Variants in TVP23C observed in about 807,000 individuals in gnomAD.
TVP23C encodes Golgi apparatus membrane protein TVP23 homolog C.
Under a neutral mutation model 28.7 loss-of-function variants are expected in TVP23C, and 19 were observed. The observed-to-expected ratio is 0.66, with a 90% CI of 0.46 to 0.97. The LOEUF is 0.97. Ranked by LOEUF, TVP23C falls within the 50% of genes least tolerant of loss-of-function variation. The pLI is 0.00. For missense variants in TVP23C, 186 were observed against 241.3 expected (o/e 0.77, Z 1.52); for synonymous variants, 68 against 81.7 (o/e 0.83, Z 0.90).
downstream of TVP23C, among the ~76,000 whole-genome samples, chr17:15,536,290 C>A (rs953838658): frequency 1.3e-5 from 2 of 152,144 alleles, no homozygotes; most frequent in Admixed American, 6.5e-5. Flanking sequence ...CAAAACGAAG[C>A]CTTTATCACA....
At chr17:15,549,659 G>A (rs1567642700) in intron 3 of TVP23C, among the ~76,000 whole-genome samples, 1 of 151,050 alleles carries the variant, frequency 6.6e-6, no homozygotes, top group Non-Finnish European at 1.5e-5. Context: ...CAGCTTGCGT[G>A]ACAAAGCAAG....
rs532689472 is a variant in TVP23C, at chr17:15,539,764, T to C, written c.*648A>G. On this transcript the variant is annotated 3_prime_UTR_variant, in exon 6 of 6. Coordinates refer to ENST00000518321, the MANE Select transcript of TVP23C (RefSeq NM_001135036.2). ...AAAAAACATCTGAGTACAAATGTTA[T>C]GGTCTTCTTGTGATTCAACTGTTCT... The C allele has an allele frequency of 3.7e-5, 36 of 985,264 alleles. No individual in the cohort carries two copies. The highest frequency in any genetic ancestry group is 2.3e-4 in the East Asian group (2 of 8,780). 61.0% of individuals were successfully genotyped at this position (985,264 alleles called of 1,614,324 possible).
chr17:15,555,323 C>T lies in TVP23C; in HGVS notation c.54G>A (p.Ala18=), dbSNP rs775082985. The change falls in exon 2 of 6, where the codon GCG becomes GCA. Residue 18 remains alanine (A), a synonymous_variant. Coordinates refer to ENST00000518321, the MANE Select transcript of TVP23C (RefSeq NM_001135036.2). ...DDTEDVSLFD[A]EEETTNRPRK... is the part of the protein sequence containing the mutation. The stretch of plus-strand genomic sequence containing the variant: ...TTGGTCTATTAGTCGTCTCCTCTTC[C>T]GCATCAAACAGTGAAACATCTTCAG... 1.7e-5 allele frequency: 27 copies of T among 1,613,814 alleles called. No individual in the cohort carries two copies. Among genetic ancestry groups the T allele is most frequent in the South Asian group, 3.3e-5 (3 of 91,070 alleles).
chr17:15,544,843 G>A (rs981335076), intron 5 of TVP23C, among the ~76,000 whole-genome samples: 6 of 151,992 alleles, frequency 3.9e-5, no homozygotes, highest in Non-Finnish European at 5.9e-5. Flanking sequence ...AAGAAAAAAA[G>A]AATCTATATC....
chr17:15,507,138 G>A, intron 5 of TVP23C: 3 of 835,596 alleles, frequency 3.6e-6, no homozygotes, highest in South Asian at 1.3e-5. Flanking sequence ...AAAGCATACA[G>A]GTCCTGACAT....
intron 5 of TVP23C, among the ~76,000 whole-genome samples, chr17:15,544,393 G>A (rs1227210296): frequency 6.6e-6 from 1 of 152,110 alleles, no homozygotes; most frequent in East Asian, 1.9e-4. Flanking sequence ...GTTTTCAAAA[G>A]ATAACTATTA....
Position 15,539,055 on chromosome 17 carries a change from T to C in TVP23C, c.*1357A>G. 1 of 985,028 alleles carries C rather than the reference T, an allele frequency of 1.0e-6. No individual in the cohort carries two copies. The highest frequency in any genetic ancestry group is 1.2e-6 in the Non-Finnish European group (1 of 829,484). The allele number at this position is 985,028 out of a possible 1,614,324, so 61.0% of individuals were successfully genotyped here. A position where few individuals can be genotyped will look rare whatever the true frequency, so the allele number is the denominator to read the frequency against. Reference sequence around the variant, plus strand: ...TAGCTGTATAATCTTAAGTAAATAATTTAATTTCTCGGGGCTTTAGTTATC... The same window carrying C: ...TAGCTGTATAATCTTAAGTAAATAACTTAATTTCTCGGGGCTTTAGTTATC... On this transcript the variant is annotated 3_prime_UTR_variant, in exon 6 of 6. Transcript: ENST00000518321.
Position 15,538,480 on chromosome 17 carries a change from C to A in TVP23C, c.*1932G>T, listed in dbSNP as rs1422774565. 2 of 715,550 alleles carry A rather than the reference C, an allele frequency of 2.8e-6. No homozygotes were observed. The highest frequency in any genetic ancestry group is 3.4e-6 in the Non-Finnish European group (2 of 583,796). The allele number at this position is 715,550 out of a possible 1,614,324, so 44.3% of individuals were successfully genotyped here. ...TGGCGGGCGCCTGCAATCCCAGCTA[C>A]TCGGGAGGCTGAGGCAGAAGAATAG... On this transcript the variant is annotated 3_prime_UTR_variant, in exon 6 of 6. Coordinates refer to ENST00000518321, the MANE Select transcript of TVP23C (RefSeq NM_001135036.2).
Position 15,502,581 on chromosome 17 carries a change from C to T in TVP23C, c.*283G>A, listed in dbSNP as rs984893738. The T allele has an allele frequency of 3.0e-5, 12 of 400,820 alleles. No homozygotes were observed. In the Admixed American group the frequency reaches 4.4e-4, roughly 15 times the overall value. The allele number at this position is 400,820 out of a possible 1,614,324, so 24.8% of individuals were successfully genotyped here. A position where few individuals can be genotyped will look rare whatever the true frequency, so the allele number is the denominator to read the frequency against. On this transcript the variant is annotated 3_prime_UTR_variant, in exon 6 of 6. Transcript: ENST00000225576. ...CGCATCCTTCCTCGGGGCCGCATGG[C>T]CCTGCCCCACAAAGCAGGCGTGCTG...
At chr17:15,549,679 CAA>C (rs58061469) in intron 3 of TVP23C, among the ~76,000 whole-genome samples, 8 of 114,990 alleles carry the variant, frequency 7.0e-5, no homozygotes, top group Middle Eastern at 4.3e-3. Context: ...GATTTTGTCT[CAA>C]AAAAAAAAAA....
exon 6 of TVP23C, chr17:15,502,732 TTC>T (rs1567627239): frequency 3.9e-5 from 32 of 827,078 alleles, no homozygotes; most frequent in South Asian, 2.8e-4. Context: ...CTCTCTCTCT[TTC>T]TCTCTCCTCT....
chr17:15,537,841 T>A lies in TVP23C; in HGVS notation c.*2571A>T. 8.0e-7 allele frequency: 1 copy of A among 1,244,492 alleles called. No individual in the cohort carries two copies. Among genetic ancestry groups the A allele is most frequent in the Non-Finnish European group, 1.0e-6 (1 of 993,314 alleles). The allele number at this position is 1,244,492 out of a possible 1,614,324, so 77.1% of individuals were successfully genotyped here. On this transcript the variant is annotated 3_prime_UTR_variant, in exon 6 of 6. Coordinates refer to ENST00000518321, the MANE Select transcript of TVP23C (RefSeq NM_001135036.2). ...TGAACACTTTCATTAACTTGGGATA[T>A]ACAGGTATTACATGGCCGTGTGCAT... is the stretch of plus-strand genomic sequence containing the variant.
At chr17:15,558,061 CA>C (rs1331431407) in intron 1 of TVP23C, among the ~76,000 whole-genome samples, 1 of 148,946 alleles carries the variant, frequency 6.7e-6, no homozygotes, top group Admixed American at 6.8e-5. Context: ...AACAAACAAA[CA>C]AAAAAAGGCT....
chr17:15,534,223 T>C (rs932187231), downstream of TVP23C, among the ~76,000 whole-genome samples: 1 of 151,736 alleles, frequency 6.6e-6, no homozygotes, highest in Non-Finnish European at 1.5e-5. Context: ...TGTCTAAAAC[T>C]GTCCTATGCT....
intron 5 of TVP23C, among the ~76,000 whole-genome samples, chr17:15,512,812 T>C (rs963904606): frequency 3.3e-5 from 5 of 152,154 alleles, no homozygotes; most frequent in African/African-American, 9.7e-5. Flanking sequence ...CCAAACCTAA[T>C]TGGACCAAAG....
At chr17:15,553,274 T>C (rs1001237740) in intron 3 of TVP23C, among the ~76,000 whole-genome samples, 10 of 150,694 alleles carry the variant, frequency 6.6e-5, no homozygotes, top group African/African-American at 2.2e-4. Flanking sequence ...AAAAGGTAGG[T>C]ATTTTTTAGG....
At chr17:15,502,811 T>TCTC in exon 6 of TVP23C, 3 of 167,422 alleles carry the variant, frequency 1.8e-5, no homozygotes, top group African/African-American at 8.9e-5. Context: ...CTCTCTCTCC[T>TCTC]CTCTCTCTCT....
At chr17:15,533,478 C>T (rs186513550), downstream of TVP23C, among the ~76,000 whole-genome samples, 8 of 152,334 alleles carry the variant, frequency 5.3e-5, no homozygotes, top group South Asian at 4.1e-4. Flanking sequence ...ACAACCTTCC[C>T]TCACTTAACT....
intron 5 of TVP23C, among the ~76,000 whole-genome samples, chr17:15,530,269 T>C (rs1982899276): frequency 6.6e-6 from 1 of 152,226 alleles, no homozygotes. Context: ...TTCTAGTATA[T>C]CATTTTGATT....
Sources: allele counts gnomAD v4.1 joint callset (sites outside exome capture counted in the v4.1 genomes callset), GRCh38; gene constraint gnomAD v4.1.1; transcripts MANE v1.5; gene names NCBI Gene and HGNC (gene_info 2026-07-23, HGNC 2026-07-21).